TRHDE: variants seen among roughly 807,000 people sequenced by gnomAD.
TRHDE encodes the protein thyrotropin releasing hormone degrading enzyme.
Under a neutral mutation model 125.7 loss-of-function variants are expected in TRHDE, and 72 were observed. The ratio of observed to expected loss-of-function variants is 0.57; its 90% CI spans 0.47 to 0.70. TRHDE has a LOEUF of 0.70. Ranked by LOEUF, TRHDE falls within the 30% of genes least tolerant of loss-of-function variation. The pLI is 0.00. For synonymous variants in TRHDE, 509 were observed against 509.1 expected (o/e 1.00, Z 0.00); for missense variants, 1,110 against 1,327.1 (o/e 0.84, Z 2.54).
chr12:72,340,012 T>C (rs1307256796), intron 2 of TRHDE, among the ~76,000 whole-genome samples: 1 of 152,212 alleles, frequency 6.6e-6, no homozygotes, highest in African/African-American at 2.4e-5. Flanking sequence ...TCCCTTAGGA[T>C]TGGCCGAGGC....
chr12:72,199,798 T>TA (rs1187128911), intron 2 of TRHDE, among the ~76,000 whole-genome samples: 1 of 152,186 alleles, frequency 6.6e-6, no homozygotes, highest in African/African-American at 2.4e-5. Flanking sequence ...GTTCTTGCAT[T>TA]ATGTGAAGAT....
chr12:72,131,194 C>G (rs1247265120), intron 2 of TRHDE, among the ~76,000 whole-genome samples: 1 of 151,146 alleles, frequency 6.6e-6, no homozygotes, highest in East Asian at 2.0e-4. Context: ...GCCTCAGCCT[C>G]CGGAGTAGCT....
At chr12:72,560,012 A>C (rs1391054459) in intron 7 of TRHDE, among the ~76,000 whole-genome samples, 1 of 152,198 alleles carries the variant, frequency 6.6e-6, no homozygotes, top group East Asian at 1.9e-4. Context: ...AATGAAAAAA[A>C]ATAGATGACT....
chr12:72,517,261 A>T (rs552187098), intron 6 of TRHDE, among the ~76,000 whole-genome samples: 1 of 151,344 alleles, frequency 6.6e-6, no homozygotes, highest in African/African-American at 2.4e-5. Context: ...TTGGCTGTGA[A>T]TCCATCTGGT....
At chr12:72,131,065 A>ATTTTTTTTTTTTTT (rs757285511) in intron 2 of TRHDE, among the ~76,000 whole-genome samples, 1 of 105,470 alleles carries the variant, frequency 9.5e-6, no homozygotes, top group Non-Finnish European at 1.8e-5. Context: ...ACTTAATGTA[A>ATTTTTTTTTTTTTT]TTTTTTTTTT....
intron 2 of TRHDE, among the ~76,000 whole-genome samples, chr12:72,142,765 GAT>G (rs974346478): frequency 3.9e-5 from 6 of 152,122 alleles, no homozygotes; most frequent in Non-Finnish European, 7.3e-5. Flanking sequence ...ACAAAGAGAA[GAT>G]GAGGAACATC....
At chr12:72,350,474 C>T (rs1870532978) in intron 2 of TRHDE, among the ~76,000 whole-genome samples, 1 of 151,940 alleles carries the variant, frequency 6.6e-6, no homozygotes, top group Non-Finnish European at 1.5e-5. Context: ...AACTGAGACT[C>T]AGGTAGGTTA....
chr12:72,548,130 CCT>C (rs1869508706), intron 7 of TRHDE, among the ~76,000 whole-genome samples: 1 of 151,704 alleles, frequency 6.6e-6, no homozygotes, highest in African/African-American at 2.4e-5. Flanking sequence ...CCACTTCTAT[CCT>C]CTCTTCCTCT....
chr12:72,397,824 A>G lies in TRHDE; in HGVS notation c.1315+19703A>G, dbSNP rs190098276. ...TTTTTGGCATTTTTTAAATTAATTA[A>G]TTAATTTATTTATTTATTATTATCA... On this transcript the variant is annotated intron_variant, in intron 3 of 18. Coordinates refer to ENST00000261180, the MANE Select transcript of TRHDE (RefSeq NM_013381.3). Among the ~76,000 whole-genome samples the G allele has an allele frequency of 1.4e-4, 22 of 152,168 alleles. No individual in the cohort carries two copies. In the East Asian group the frequency reaches 4.2e-3, roughly 29 times the overall value.
At chr12:72,342,907 A>G (rs1870147030) in intron 2 of TRHDE, among the ~76,000 whole-genome samples, 1 of 152,180 alleles carries the variant, frequency 6.6e-6, no homozygotes, top group Non-Finnish European at 1.5e-5. Flanking sequence ...AGTGTACAGC[A>G]TTTATTATGT....
At chr12:72,480,319 C>T (rs564264512) in intron 5 of TRHDE, among the ~76,000 whole-genome samples, 112 of 151,514 alleles carry the variant, frequency 7.4e-4, no homozygotes, top group African/African-American at 2.6e-3. Context: ...TCCTCTCCAG[C>T]ACCTGTTGTT....
At chr12:72,388,332 T>A (rs1163357666) in intron 3 of TRHDE, among the ~76,000 whole-genome samples, 5 of 152,204 alleles carry the variant, frequency 3.3e-5, no homozygotes, top group Non-Finnish European at 7.3e-5. Context: ...AACTTGTGTT[T>A]TGTTTATGTA....
chr12:72,648,898 A>C (rs1374128961), intron 15 of TRHDE, among the ~76,000 whole-genome samples: 1 of 152,148 alleles, frequency 6.6e-6, no homozygotes, highest in East Asian at 1.9e-4. Context: ...GAAAGAAAAT[A>C]AAGAAGACAC....
chr12:72,228,205 C>A (rs1243664807), intron 2 of TRHDE, among the ~76,000 whole-genome samples: 1 of 152,196 alleles, frequency 6.6e-6, no homozygotes, highest in Non-Finnish European at 1.5e-5. Flanking sequence ...AGGGCTCTGA[C>A]CCTGTAGCAC....
chr12:72,096,642 C>T (rs866473067), intron 1 of TRHDE, among the ~76,000 whole-genome samples: 1 of 152,208 alleles, frequency 6.6e-6, no homozygotes, highest in African/African-American at 2.4e-5. Context: ...AAGGTACTCC[C>T]AGGTCCTTTG....
At chr12:72,477,925 A>G (rs971512576) in intron 5 of TRHDE, among the ~76,000 whole-genome samples, 3 of 152,188 alleles carry the variant, frequency 2.0e-5, no homozygotes, top group Non-Finnish European at 4.4e-5. Context: ...TATAATGAGA[A>G]TCATTAAACA....
At chr12:72,089,899 T>C (rs1413194019) in intron 1 of TRHDE, among the ~76,000 whole-genome samples, 1 of 152,194 alleles carries the variant, frequency 6.6e-6, no homozygotes, top group East Asian at 1.9e-4. Context: ...GAACACTCAG[T>C]AAATATTTGT....
chr12:72,635,302 T>C (rs2136091261), intron 15 of TRHDE, among the ~76,000 whole-genome samples: 1 of 152,322 alleles, frequency 6.6e-6, no homozygotes, highest in Non-Finnish European at 1.5e-5. Flanking sequence ...AATGTCTTCT[T>C]TTGAGAAGTG....
intron 6 of TRHDE, among the ~76,000 whole-genome samples, chr12:72,502,670 G>T (rs1466746411): frequency 6.6e-6 from 1 of 152,092 alleles, no homozygotes; most frequent in Non-Finnish European, 1.5e-5. Flanking sequence ...GTTAAGTGAG[G>T]TTGGTTGATA....
Sources: allele counts gnomAD v4.1 joint callset (sites outside exome capture counted in the v4.1 genomes callset), GRCh38; gene constraint gnomAD v4.1.1; transcripts MANE v1.5; gene names NCBI Gene and HGNC (gene_info 2026-07-23, HGNC 2026-07-21).